HMBOX1: variants seen among roughly 807,000 people sequenced by gnomAD.
HMBOX1 encodes the protein homeobox-containing protein 1.
A neutral mutation model predicts 54.5 loss-of-function variants in HMBOX1; 14 were observed. That is an observed-to-expected ratio of 0.26 (90% CI 0.17 to 0.40). The LOEUF (loss-of-function observed/expected upper bound fraction) is 0.40, where lower values mean the gene tolerates loss of function less well. HMBOX1 is among the 10% of genes least tolerant of loss of function. The pLI is 1.00. For synonymous variants in HMBOX1, 160 were observed against 181.0 expected (o/e 0.88, Z 0.93); for missense variants, 332 against 514.4 (o/e 0.65, Z 3.43).
chr8:28,955,065 G>T (rs940597664), intron 1 of HMBOX1, among the ~76,000 whole-genome samples: 8 of 152,040 alleles, frequency 5.3e-5, no homozygotes, highest in African/African-American at 1.4e-4. Flanking sequence ...TTGACTTCAT[G>T]TAATATTTTG....
chr8:28,975,011 A>G (rs1036660969), intron 3 of HMBOX1, among the ~76,000 whole-genome samples: 5 of 152,216 alleles, frequency 3.3e-5, no homozygotes, highest in East Asian at 1.9e-4. Context: ...GCTACTATAA[A>G]TAATTCTTTT....
chr8:28,994,810 A>T (rs1586349248), intron 4 of HMBOX1, among the ~76,000 whole-genome samples: 1 of 152,230 alleles, frequency 6.6e-6, no homozygotes, highest in Non-Finnish European at 1.5e-5. Flanking sequence ...AGCAGTGTGT[A>T]ACTTATGCAA....
intron 1 of HMBOX1, among the ~76,000 whole-genome samples, chr8:28,909,224 G>A (rs1814944200): frequency 6.6e-6 from 1 of 152,164 alleles, no homozygotes; most frequent in African/African-American, 2.4e-5. Flanking sequence ...ATGATGGCCA[G>A]TTGTAGGATG....
chr8:29,045,523 A>G (rs1805445390), intron 7 of HMBOX1, 80 bp downstream of exon 7: 2 of 1,105,310 alleles, frequency 1.8e-6, no homozygotes, highest in Admixed American at 3.4e-5. Context: ...ACTTAATCTT[A>G]TGCGTGCCTT....
At chr8:28,999,833 T>A (rs1210671620) in intron 4 of HMBOX1, among the ~76,000 whole-genome samples, 2 of 152,196 alleles carry the variant, frequency 1.3e-5, no homozygotes, top group East Asian at 3.8e-4. Context: ...ATTCTTTTAG[T>A]CTTTAAAATG....
At chr8:29,000,398 T>C (rs1832472188) in intron 4 of HMBOX1, among the ~76,000 whole-genome samples, 1 of 152,200 alleles carries the variant, frequency 6.6e-6, no homozygotes, top group African/African-American at 2.4e-5. Flanking sequence ...CCTATACAAG[T>C]TCATGACCTT....
intron 3 of HMBOX1, among the ~76,000 whole-genome samples, chr8:28,973,903 C>T (rs1827948736): frequency 7.0e-6 from 1 of 142,352 alleles, no homozygotes; most frequent in African/African-American, 2.6e-5. Flanking sequence ...CAACCTTCGC[C>T]TCCCGGGTTA....
At chr8:28,983,920 C>T (rs1458422582) in intron 4 of HMBOX1, among the ~76,000 whole-genome samples, 1 of 152,102 alleles carries the variant, frequency 6.6e-6, no homozygotes, top group Non-Finnish European at 1.5e-5. Context: ...TACTGAACTC[C>T]TATGTTTTTT....
At chr8:28,940,978 G>A (rs1821299205) in intron 1 of HMBOX1, among the ~76,000 whole-genome samples, 1 of 152,096 alleles carries the variant, frequency 6.6e-6, no homozygotes, top group Admixed American at 6.5e-5. Flanking sequence ...TTTCAAGATG[G>A]AGTTTAGTTT....
rs1165091133 is a variant in HMBOX1, at chr8:29,050,936, C to T, written c.1126-82C>T. ...CAGTTTCCTCCCACGAATGTTCTGCCTCCCCTTGCCCCAGCATGTCTCTCT... is the reference window on the plus strand; with the variant it reads ...CAGTTTCCTCCCACGAATGTTCTGCTTCCCCTTGCCCCAGCATGTCTCTCT... On this transcript the variant is annotated intron_variant, in intron 9 of 9. Coordinates refer to ENST00000287701, the MANE Select transcript of HMBOX1 (RefSeq NM_001135726.3). The T allele has an allele frequency of 1.3e-5, 18 of 1,413,656 alleles. No individual in the cohort carries two copies. In the Admixed American group the frequency reaches 2.9e-4, roughly 23 times the overall value. The allele number at this position is 1,413,656 out of a possible 1,614,324, so 87.6% of individuals were successfully genotyped here.
At chr8:29,030,424 G>C (rs1377954469) in intron 6 of HMBOX1, among the ~76,000 whole-genome samples, 1 of 151,936 alleles carries the variant, frequency 6.6e-6, no homozygotes, top group Non-Finnish European at 1.5e-5. Context: ...TCTCTATGTT[G>C]GTCAGGCTAG....
intron 5 of HMBOX1, among the ~76,000 whole-genome samples, chr8:29,010,953 T>A (rs1305625117): frequency 6.6e-6 from 1 of 152,234 alleles, no homozygotes; most frequent in African/African-American, 2.4e-5. Context: ...AATATCTAAT[T>A]TCTTTATCTT....
intron 6 of HMBOX1, among the ~76,000 whole-genome samples, chr8:29,045,104 T>C (rs1033204499): frequency 6.6e-6 from 1 of 152,212 alleles, no homozygotes; most frequent in Non-Finnish European, 1.5e-5. Flanking sequence ...AAATTTAAAT[T>C]AGTTAAAATT....
chr8:28,892,436 A>G (rs61452186), intron 1 of HMBOX1, among the ~76,000 whole-genome samples: 1,671 of 152,308 alleles, frequency 0.011, 18 homozygotes, highest in East Asian at 0.055. Context: ...AAGTTCTTCA[A>G]TAATCCTTAT....
At chr8:28,915,923 C>T (rs1816458043) in intron 1 of HMBOX1, 1 of 152,076 alleles carries the variant, frequency 6.6e-6, no homozygotes, top group Admixed American at 6.5e-5. Flanking sequence ...ATTACTATTT[C>T]ACATGGAATT....
chr8:28,989,895 G>A (rs1464253306), intron 4 of HMBOX1, among the ~76,000 whole-genome samples: 1 of 151,932 alleles, frequency 6.6e-6, no homozygotes, highest in Non-Finnish European at 1.5e-5. Context: ...CATTTTAGTG[G>A]TTTTCAGTGT....
At chr8:28,928,071 G>C (rs894438197) in intron 1 of HMBOX1, among the ~76,000 whole-genome samples, 15 of 150,902 alleles carry the variant, frequency 9.9e-5, no homozygotes, top group Admixed American at 2.0e-4. Flanking sequence ...GGAGGTGGAG[G>C]TTGCAGTGAG....
intron 5 of HMBOX1, chr8:29,009,526 T>A: frequency 2.0e-5 from 7 of 345,456 alleles, no homozygotes; most frequent in African/African-American, 3.2e-5. Context: ...CGTATCTCTT[T>A]TTTTTTTTTT....
chr8:28,917,139 G>T (rs1401701971), intron 1 of HMBOX1, among the ~76,000 whole-genome samples: 1 of 150,694 alleles, frequency 6.6e-6, no homozygotes, highest in Non-Finnish European at 1.5e-5. Flanking sequence ...TATTGGGATT[G>T]TGTTGGCCGT....
Sources: gnomAD v4.1 joint callset for allele counts (sites outside exome capture counted in the v4.1 genomes callset) on GRCh38, gnomAD v4.1.1 for gene constraint, MANE v1.5 for transcripts, NCBI Gene and HGNC (gene_info 2026-07-23, HGNC 2026-07-21) for gene names.